The following CDH18 variants were observed in gnomAD, a reference collection of about 807,000 sequenced individuals.
The protein encoded by CDH18 is cadherin 18, also known as cadherin-18.
Under a neutral mutation model 67.9 loss-of-function variants are expected in CDH18, and 31 were observed. That is an observed-to-expected ratio of 0.46 (90% CI 0.34 to 0.62). The LOEUF (loss-of-function observed/expected upper bound fraction) is 0.62. CDH18 is among the 20% of genes least tolerant of loss of function. The pLI, the probability that CDH18 is intolerant of heterozygous loss-of-function variation, is 0.01. For synonymous variants in CDH18, 362 were observed against 347.2 expected, an observed-to-expected ratio of 1.04 and a Z score of -0.48; for missense variants, 890 against 975.5, an observed-to-expected ratio of 0.91 and a Z score of 1.17.
intron 2 of CDH18, among the ~76,000 whole-genome samples, chr5:20,227,797 A>G (rs1741749878): frequency 1.3e-5 from 2 of 150,312 alleles, no homozygotes; most frequent in Admixed American, 1.3e-4. Context: ...CTCTATCAGT[A>G]TTTTAAAATG....
intron 1 of CDH18, among the ~76,000 whole-genome samples, chr5:20,569,343 C>T (rs1434213963): frequency 6.6e-6 from 1 of 152,140 alleles, no homozygotes; most frequent in African/African-American, 2.4e-5. Flanking sequence ...ACATGCTCGG[C>T]CAGGCGCCAT....
At chr5:20,128,775 G>T (rs777433178) in intron 2 of CDH18, among the ~76,000 whole-genome samples, 7 of 152,038 alleles carry the variant, frequency 4.6e-5, no homozygotes, top group Non-Finnish European at 7.4e-5. Flanking sequence ...GAAAATTTAA[G>T]AAACATATAA....
Position 20,095,596 on chromosome 5 carries a change from G to GAAAGAAAGAAAGAAAGAAAGAAAGAAGA in CDH18, c.-517-103583_-517-103582insTCTTCTTTCTTTCTTTCTTTCTTTCTTT, listed in dbSNP as rs372447959. ...AGGAAGAAAGGAAGAAAGGAAGAAA[G>GAAAGAAAGAAAGAAAGAAAGAAAGAAGA]AAGAAAGAAAGAAAAGAAAAGAAAA... On this transcript the variant is annotated intron_variant, in intron 2 of 14. Coordinates refer to the CDH18 transcript ENST00000507958. Among the ~76,000 whole-genome samples the GAAAGAAAGAAAGAAAGAAAGAAAGAAGA allele has an allele frequency of 3.5e-3, 38 of 10,988 alleles. No homozygotes were observed. In the East Asian group the frequency reaches 0.12, roughly 35 times the overall value. 7.2% of individuals were successfully genotyped at this position (10,988 alleles called of 152,430 possible). A position where few individuals can be genotyped will look rare whatever the true frequency, so the allele number is the denominator to read the frequency against.
intron 1 of CDH18, among the ~76,000 whole-genome samples, chr5:20,403,354 G>C (rs978326327): frequency 2.6e-5 from 4 of 152,050 alleles, no homozygotes; most frequent in Non-Finnish European, 5.9e-5. Context: ...TGTCACTGGA[G>C]TTTGGTGTAC....
chr5:20,301,026 C>T (rs959522138), intron 1 of CDH18, among the ~76,000 whole-genome samples: 2 of 151,980 alleles, frequency 1.3e-5, no homozygotes, highest in Admixed American at 6.6e-5. Flanking sequence ...GAGGGGTGAA[C>T]GGGTTATTAA....
intron 2 of CDH18, among the ~76,000 whole-genome samples, chr5:20,038,658 A>C (rs554971641): frequency 1.9e-4 from 29 of 152,302 alleles, no homozygotes; most frequent in African/African-American, 7.0e-4. Context: ...TTCTGCTAAA[A>C]ACTCTTAATA....
intron 5 of CDH18, among the ~76,000 whole-genome samples, chr5:19,666,579 G>A (rs1170409324): frequency 2.0e-5 from 3 of 151,986 alleles, no homozygotes; most frequent in African/African-American, 7.2e-5. Flanking sequence ...ATCTGGACAG[G>A]TTGAACTTGT....
intron 2 of CDH18, among the ~76,000 whole-genome samples, chr5:19,905,465 T>C (rs978837274): frequency 1.8e-5 from 2 of 112,858 alleles, no homozygotes; most frequent in African/African-American, 3.7e-5. Context: ...CAATGATTTA[T>C]AAAACATTTA....
At chr5:20,412,429 C>T (rs1329337850) in intron 1 of CDH18, among the ~76,000 whole-genome samples, 1 of 152,192 alleles carries the variant, frequency 6.6e-6, no homozygotes, top group Non-Finnish European at 1.5e-5. Flanking sequence ...AAAGACTCTT[C>T]TGGACATTGG....
intron 2 of CDH18, among the ~76,000 whole-genome samples, chr5:19,870,273 G>A (rs1447641400): frequency 6.6e-6 from 1 of 152,090 alleles, no homozygotes; most frequent in South Asian, 2.1e-4. Context: ...AAAAGAGAGT[G>A]GATTCTCACT....
At chr5:19,748,112 C>CCAAAAAAAAAAAAAAAA (rs1770325562) in intron 3 of CDH18, among the ~76,000 whole-genome samples, 1 of 14,858 alleles carries the variant, frequency 6.7e-5, no homozygotes, top group Non-Finnish European at 1.3e-4. Flanking sequence ...GACTCCATCT[C>CCAAAAAAAAAAAAAAAA]AAAAAAAAAA....
intron 4 of CDH18, among the ~76,000 whole-genome samples, chr5:19,743,942 A>T (rs924028806): frequency 6.6e-6 from 1 of 151,518 alleles, no homozygotes; most frequent in Non-Finnish European, 1.5e-5. Context: ...AAAAAAAAAA[A>T]AAAAAAAAAT....
intron 2 of CDH18, among the ~76,000 whole-genome samples, chr5:20,029,734 A>C (rs150720432): frequency 3.3e-5 from 5 of 152,330 alleles, no homozygotes; most frequent in Non-Finnish European, 7.3e-5. Flanking sequence ...ATTATTCCAA[A>C]ACATGATAAA....
At chr5:20,568,204 G>C (rs924360265) in intron 1 of CDH18, among the ~76,000 whole-genome samples, 5 of 152,126 alleles carry the variant, frequency 3.3e-5, no homozygotes, top group African/African-American at 1.2e-4. Context: ...ACTTAACCTA[G>C]TGTTAAAGAA....
At chr5:20,517,758 C>A (rs1755467461) in intron 1 of CDH18, among the ~76,000 whole-genome samples, 1 of 151,778 alleles carries the variant, frequency 6.6e-6, no homozygotes, top group Non-Finnish European at 1.5e-5. Context: ...GAAAAAACAC[C>A]AAAGAAAAAA....
chr5:20,126,310 C>T (rs1748819318), intron 2 of CDH18, among the ~76,000 whole-genome samples: 1 of 152,054 alleles, frequency 6.6e-6, no homozygotes, highest in Non-Finnish European at 1.5e-5. Context: ...CAAAAATTAG[C>T]TCAAAATGGA....
At chr5:20,107,209 T>C (rs1747027492) in intron 2 of CDH18, among the ~76,000 whole-genome samples, 1 of 152,082 alleles carries the variant, frequency 6.6e-6, no homozygotes, top group South Asian at 2.1e-4. Context: ...GCCTCCCCAG[T>C]AGCTGGGACT....
chr5:20,418,242 A>ATTTTTTTTTTTTTTTTTTTTTT lies in CDH18; in HGVS notation c.-580+157198_-580+157219dup, dbSNP rs58308147. 4.2e-3 allele frequency among the ~76,000 whole-genome samples: 238 copies of ATTTTTTTTTTTTTTTTTTTTTT among 56,912 alleles called. 20 individuals are homozygous for ATTTTTTTTTTTTTTTTTTTTTT. Among genetic ancestry groups the ATTTTTTTTTTTTTTTTTTTTTT allele is most frequent in the African/African-American group, 7.1e-3 (85 of 12,050 alleles). The allele number at this position is 56,912 out of a possible 152,430, so 37.3% of individuals were successfully genotyped here. On this transcript the variant is annotated intron_variant, in intron 1 of 14. Transcript: ENST00000507958. ...AGGTGTCTGCCACCACTGCTGGCTAATTTTTTTTTTTTTTTTTTTTTTTTG... is the reference window on the plus strand; with the variant it reads ...AGGTGTCTGCCACCACTGCTGGCTAATTTTTTTTTTTTTTTTTTTTTTTTTTTTTTTTTTTTTTTTTTTTTTG...
At chr5:20,131,452 T>C (rs1400715054) in intron 2 of CDH18, among the ~76,000 whole-genome samples, 1 of 152,076 alleles carries the variant, frequency 6.6e-6, no homozygotes, top group African/African-American at 2.4e-5. Context: ...AATTAAATGT[T>C]TTGTTTTTAC....
Sources: allele counts gnomAD v4.1 joint callset (sites outside exome capture counted in the v4.1 genomes callset), GRCh38; gene constraint gnomAD v4.1.1; transcripts MANE v1.5; gene names NCBI Gene and HGNC (gene_info 2026-07-23, HGNC 2026-07-21).